The following NAV3 variants were observed in gnomAD, a reference collection of about 807,000 sequenced individuals.
The protein encoded by NAV3 is neuron navigator 3.
NAV3 carries 87 observed loss-of-function variants against 244.7 expected under a neutral mutation model. The observed-to-expected ratio is 0.36, with a 90% CI of 0.30 to 0.42. NAV3 has a LOEUF of 0.42. Among genes scored for constraint, NAV3 ranks in the 20% least tolerant of loss-of-function variants. The pLI is 1.00. For missense variants in NAV3, 2,663 were observed against 2,893.3 expected, an observed-to-expected ratio of 0.92 and a Z score of 1.83; for synonymous variants, 1,126 against 1,042.2, an observed-to-expected ratio of 1.08 and a Z score of -1.55.
In NAV3 at chr12:78,007,402, C is replaced by T; in HGVS notation, c.1864C>T (p.His622Tyr). 1 of 1,614,128 alleles carries T rather than the reference C, an allele frequency of 6.2e-7. No homozygotes were observed. Among genetic ancestry groups the T allele is most frequent in the African/African-American group, 1.3e-5 (1 of 75,050 alleles). Residue 622 changes from histidine (H) to tyrosine (Y), a missense_variant, in exon 8 of 40, where the codon CAT becomes TAT. By Grantham distance (83) the His-to-Tyr change is moderately conservative. This residue lies in a region of NAV3 where 1,521 missense variants were observed against 1,497.0 expected (regional missense o/e 1.02). Coordinates refer to ENST00000397909, the MANE Select transcript of NAV3 (RefSeq NM_001024383.2). ...GAVQLPQQQQHSHPNTATVAP... is the reference protein window; with the variant it reads ...GAVQLPQQQQYSHPNTATVAP... ...TGTCCAACTCCCTCAACAGCAGCAA[C>T]ATAGCCACCCGAATACCGCGACAGT... is the stretch of plus-strand genomic sequence containing the variant.
chr12:77,873,341 A>T (rs1424498102), intron 1 of NAV3, among the ~76,000 whole-genome samples: 1 of 152,110 alleles, frequency 6.6e-6, no homozygotes, highest in East Asian at 1.9e-4. Context: ...TGTGAAGATA[A>T]ACAATTGATA....
chr12:77,743,264 G>T lies in NAV3; in HGVS notation c.72+170998G>T, dbSNP rs1868375414. Among the ~76,000 whole-genome samples the T allele has an allele frequency of 2.6e-5, 4 of 151,928 alleles. No individual in the cohort carries two copies. In the South Asian group the frequency reaches 8.3e-4, roughly 32 times the overall value. On this transcript the variant is annotated intron_variant, in intron 2 of 8. Transcript: ENST00000550042. ...CATACGAAATATGTGTTGAATGACG[G>T]TTTATATTATTGGTAAGTTTCTAGT...
At chr12:78,166,469 C>G (rs986422639) in intron 23 of NAV3, among the ~76,000 whole-genome samples, 2 of 151,674 alleles carry the variant, frequency 1.3e-5, no homozygotes, top group Admixed American at 1.3e-4. Flanking sequence ...TGCTTATACT[C>G]AAAGTTTTAA....
intron 2 of NAV3, among the ~76,000 whole-genome samples, chr12:77,742,880 G>C (rs1226606368): frequency 6.6e-6 from 1 of 151,936 alleles, no homozygotes; most frequent in Non-Finnish European, 1.5e-5. Context: ...ATAAAAAAAA[G>C]TAAAAAGTGA....
intron 2 of NAV3, among the ~76,000 whole-genome samples, chr12:77,797,964 T>C (rs1245977107): frequency 6.7e-6 from 1 of 148,466 alleles, no homozygotes; most frequent in African/African-American, 2.5e-5. Flanking sequence ...AGGCCAGGAG[T>C]TTGAGACCAG....
chr12:77,735,440 T>C (rs1474809481), intron 2 of NAV3, among the ~76,000 whole-genome samples: 1 of 152,112 alleles, frequency 6.6e-6, no homozygotes, highest in African/African-American at 2.4e-5. Context: ...TCAGAAATGG[T>C]TAGCTAGATT....
chr12:78,140,398 C>G (rs1956556042), intron 20 of NAV3, 64 bp downstream of exon 20: 1 of 1,310,892 alleles, frequency 7.6e-7, no homozygotes, highest in East Asian at 2.3e-5. Flanking sequence ...TGAAATAGAT[C>G]ATTTTACTGT....
intron 12 of NAV3, among the ~76,000 whole-genome samples, chr12:78,108,844 C>T (rs1954940224): frequency 6.6e-6 from 1 of 151,974 alleles, no homozygotes; most frequent in Admixed American, 6.6e-5. Context: ...TAAATGCTTA[C>T]ACTGAAAAAG....
intron 20 of NAV3, among the ~76,000 whole-genome samples, chr12:78,141,235 C>T (rs148561326): frequency 7.0e-4 from 106 of 151,790 alleles, no homozygotes; most frequent in African/African-American, 2.5e-3. Context: ...GTTTCAAGTT[C>T]TTTTGCAAAC....
chr12:77,571,970 A>T (rs947692429), exon 2 of NAV3: 3 of 152,508 alleles, frequency 2.0e-5, no homozygotes, highest in Admixed American at 2.0e-4. Flanking sequence ...AGGAGTCAGC[A>T]TTTAAAAACG....
intron 1 of NAV3, among the ~76,000 whole-genome samples, chr12:77,888,928 C>T (rs984876200): frequency 2.9e-4 from 44 of 152,202 alleles, no homozygotes; most frequent in Non-Finnish European, 5.9e-4. Context: ...CAAGTGATTT[C>T]TTGAAAAAAA....
intron 1 of NAV3, among the ~76,000 whole-genome samples, chr12:77,868,754 T>TAAAA (rs1880468656): frequency 2.3e-5 from 1 of 43,444 alleles, no homozygotes; most frequent in Non-Finnish European, 4.8e-5. Flanking sequence ...AGACTCCATC[T>TAAAA]CAAAAAAAAA....
At chr12:78,089,730 G>T (rs1953823558) in intron 12 of NAV3, among the ~76,000 whole-genome samples, 1 of 152,116 alleles carries the variant, frequency 6.6e-6, no homozygotes, top group African/African-American at 2.4e-5. Context: ...GTTGATACTT[G>T]TGATAGCCAG....
chr12:77,676,572 TA>T (rs1296687468), intron 2 of NAV3, among the ~76,000 whole-genome samples: 8 of 151,200 alleles, frequency 5.3e-5, no homozygotes, highest in African/African-American at 1.9e-4. Context: ...TTTTTTTTTT[TA>T]AATTTTTTAA....
chr12:77,773,179 G>C (rs957586622), intron 2 of NAV3, among the ~76,000 whole-genome samples: 1 of 151,690 alleles, frequency 6.6e-6, no homozygotes, highest in Non-Finnish European at 1.5e-5. Context: ...TTCACCAAAA[G>C]TGTTGATCAT....
At chr12:78,208,691 C>A (rs1010455021) in intron 39 of NAV3, among the ~76,000 whole-genome samples, 12 of 152,122 alleles carry the variant, frequency 7.9e-5, no homozygotes, top group African/African-American at 2.9e-4. Context: ...ACTTTAATAA[C>A]AATACTATTA....
intron 2 of NAV3, among the ~76,000 whole-genome samples, chr12:77,810,413 C>T (rs554650818): frequency 2.2e-4 from 34 of 152,210 alleles, no homozygotes; most frequent in Middle Eastern, 3.4e-3. Flanking sequence ...CCTCATGATC[C>T]GCCCACCTCG....
At chr12:77,618,153 G>C (rs940257161) in intron 2 of NAV3, among the ~76,000 whole-genome samples, 2 of 152,186 alleles carry the variant, frequency 1.3e-5, no homozygotes, top group South Asian at 2.1e-4. Context: ...CCCAGCCCCA[G>C]TTGAGCCTTC....
chr12:77,906,412 T>C (rs1885980375), intron 1 of NAV3, among the ~76,000 whole-genome samples: 1 of 152,132 alleles, frequency 6.6e-6, no homozygotes, highest in Non-Finnish European at 1.5e-5. Flanking sequence ...AATTCCATTT[T>C]CACCTAAATT....
Sources: allele counts gnomAD v4.1 joint callset (sites outside exome capture counted in the v4.1 genomes callset), GRCh38; gene constraint gnomAD v4.1.1; regional missense constraint gnomAD v4.1.1; transcripts MANE v1.5; gene names NCBI Gene and HGNC (gene_info 2026-07-23, HGNC 2026-07-21).